HEATR1: variants seen among roughly 807,000 people sequenced by gnomAD.
HEATR1 encodes HEAT repeat-containing protein 1.
Under a neutral mutation model 248.2 loss-of-function variants are expected in HEATR1, and 77 were observed. The observed-to-expected ratio is 0.31, with a 90% CI of 0.26 to 0.37. The LOEUF is 0.37. Ranked by LOEUF, HEATR1 falls within the 10% of genes least tolerant of loss-of-function variation. The probability of loss-of-function intolerance (pLI) is 1.00; values close to 1 mark genes in which losing one functional copy is unlikely to be tolerated. For missense variants in HEATR1, 2,420 were observed against 2,504.9 expected, an observed-to-expected ratio of 0.97 and a Z score of 0.72; for synonymous variants, 897 against 923.1, an observed-to-expected ratio of 0.97 and a Z score of 0.51.
intron 20 of HEATR1, among the ~76,000 whole-genome samples, chr1:236,577,638 G>A (rs2853594): frequency 0.47 from 71,422 of 151,540 alleles, 20,795 homozygotes; most frequent in Non-Finnish European, 0.64. Flanking sequence ...ACAGGCACGC[G>A]CCACCACATC....
chr1:236,552,150 T>C (rs376970583), intron 43 of HEATR1, 43 bp from the exon 44 acceptor site: 13 of 1,299,774 alleles, frequency 1.0e-5, no homozygotes, highest in Middle Eastern at 1.8e-4. Context: ...GTAGTGTTAC[T>C]GTATTTATTA....
chr1:236,590,435 C>T (rs916484427), intron 12 of HEATR1, among the ~76,000 whole-genome samples: 2 of 152,040 alleles, frequency 1.3e-5, no homozygotes, highest in Admixed American at 6.6e-5. Flanking sequence ...GGGGGTCTCC[C>T]TATGTTGCCC....
chr1:236,571,659 C>T lies in HEATR1; in HGVS notation c.3735G>A (p.Gln1245=), dbSNP rs746058431. ...SRCLEPLPQE[Q]GNMEYTKQLI... is the part of the protein sequence containing the mutation. Reference sequence around the variant, plus strand: ...ATTGTTTGGTGTATTCCATATTTCCCTGCTCTTGTGGCAAGGGTTCTAAAC... The same window carrying T: ...ATTGTTTGGTGTATTCCATATTTCCTTGCTCTTGTGGCAAGGGTTCTAAAC... Residue 1245 remains glutamine, a synonymous_variant, in exon 27 of 45, where the codon CAG becomes CAA. Coordinates refer to ENST00000366582, the MANE Select transcript of HEATR1 (RefSeq NM_018072.6). The T allele has an allele frequency of 6.2e-7, 1 of 1,613,882 alleles. No individual in the cohort carries two copies. Among genetic ancestry groups the T allele is most frequent in the Non-Finnish European group, 8.5e-7 (1 of 1,179,828 alleles).
In HEATR1 at chr1:236,585,115, A is replaced by G. The variant is rs753108785; in HGVS notation, c.2151T>C (p.Ser717=). The part of the protein sequence containing the change: ...ILSVLVSCCS[S]LKETHFPFAI... The stretch of plus-strand genomic sequence containing the variant: ...CAAATGGAAAGTGGGTTTCTTTTAA[A>G]GATGAACAACAAGAGACGAGCACAG... The change falls in exon 17 of 45, where the codon TCT becomes TCC. Residue 717 remains serine (S), a synonymous_variant. Coordinates refer to ENST00000366582, the MANE Select transcript of HEATR1 (RefSeq NM_018072.6). 6.2e-6 allele frequency: 10 copies of G among 1,614,140 alleles called. No homozygotes were observed. The highest frequency in any genetic ancestry group is 8.5e-6 in the Non-Finnish European group (10 of 1,179,970).
In HEATR1 at chr1:236,580,145, A is replaced by C. The variant is rs79240010; in HGVS notation, c.2755+1077T>G. On this transcript the variant is annotated intron_variant, in intron 20 of 44. Transcript: ENST00000366582. Reference sequence around the variant, plus strand: ...AGCTCTGTAAGTCAACCCACTTTTCAATATCGCATTCATTGTTTCATGAAA... The same window carrying C: ...AGCTCTGTAAGTCAACCCACTTTTCCATATCGCATTCATTGTTTCATGAAA... 2.4e-3 allele frequency among the ~76,000 whole-genome samples: 368 copies of C among 152,310 alleles called. 2 individuals carry two copies. Among genetic ancestry groups the C allele is most frequent in the African/African-American group, 8.5e-3 (352 of 41,572 alleles).
chr1:236,553,838 T>C (rs1052976847), intron 42 of HEATR1, 99 bp from the exon 43 acceptor site: 14 of 1,287,668 alleles, frequency 1.1e-5, no homozygotes, highest in Non-Finnish European at 1.5e-5. Flanking sequence ...TCTTTCATGA[T>C]ATTAGCAGGT....
At chr1:236,563,438 C>A (rs1030247391) in intron 32 of HEATR1, among the ~76,000 whole-genome samples, 1 of 151,978 alleles carries the variant, frequency 6.6e-6, no homozygotes, top group Non-Finnish European at 1.5e-5. Context: ...CCCACCACCA[C>A]GCCCGGCTAA....
In HEATR1 at chr1:236,582,872, C is replaced by T. The variant is rs1663789717; in HGVS notation, c.2426G>A (p.Gly809Asp). Residue 809 changes from glycine (G) to aspartate (D), a missense_variant and splice_region_variant, in exon 19 of 45, where the codon GGT (glycine) becomes GAT (aspartate). By Grantham distance (94) the Gly-to-Asp change is moderately conservative (BLOSUM62 -1). Transcript: ENST00000366582. ...TTGTTCAGGATTCCACCATATATCACCTACAAGGACATGGAAAGAGAAATG... is the reference window on the plus strand; with the variant it reads ...TTGTTCAGGATTCCACCATATATCATCTACAAGGACATGGAAAGAGAAATG... ...ALKAPKSFPK[G>D]DIWWNPEQLK... is the part of the protein sequence containing the mutation. The T allele has an allele frequency of 6.2e-7, 1 of 1,613,770 alleles. No individual in the cohort carries two copies. Among genetic ancestry groups the T allele is most frequent in the African/African-American group, 1.3e-5 (1 of 74,914 alleles).
At chr1:236,595,515 G>C in intron 8 of HEATR1, 25 bp downstream of exon 8, 1 of 1,578,186 alleles carries the variant, frequency 6.3e-7, no homozygotes, top group Non-Finnish European at 8.6e-7. Flanking sequence ...GAAAATTTCT[G>C]GACAAAAAAT....
At chr1:236,589,794 G>A (rs571104906) in intron 12 of HEATR1, among the ~76,000 whole-genome samples, 22 of 152,138 alleles carry the variant, frequency 1.4e-4, no homozygotes, top group Non-Finnish European at 3.1e-4. Context: ...GACACAGATG[G>A]AGCATTCCTA....
At position 236,564,518 on chromosome 1, in the gene HEATR1, AAGACAGGAGCTG is replaced by A; in HGVS notation, c.4567_4578del (p.Gln1523_Ser1526del). The A allele has an allele frequency of 6.2e-7, 1 of 1,613,568 alleles. No individual in the cohort carries two copies. The highest frequency in any genetic ancestry group is 8.5e-7 in the Non-Finnish European group (1 of 1,179,918). On this transcript the variant is annotated inframe_deletion, in exon 32 of 45. Transcript: ENST00000366582. ...ATTACCTTTTTCAGAAAATTATTGG[AAGACAGGAGCTG>A]AGACATGAAGGACACTGACAAAAAT...
At position 236,561,236 on chromosome 1, in the gene HEATR1, GC is replaced by G. The variant is rs1279345661; in HGVS notation, c.4634del (p.Gly1545AlafsTer30). The G allele has an allele frequency of 6.2e-7, 1 of 1,608,310 alleles. No individual in the cohort carries two copies. Among genetic ancestry groups the G allele is most frequent in the Non-Finnish European group, 8.5e-7 (1 of 1,175,072 alleles). ...AAAAGGAAACATACCTCTCTTCAAG[GC>G]CTTTTAAAATCTCAGGACCACCACT... ...VESGGPEILK[G>X]LEERLLETVL... On this transcript the variant is annotated frameshift_variant, in exon 33 of 45. Transcript: ENST00000366582. LOFTEE classifies it high-confidence loss of function.
At chr1:236,577,671 A>G (rs1408860881) in intron 20 of HEATR1, among the ~76,000 whole-genome samples, 1 of 151,694 alleles carries the variant, frequency 6.6e-6, no homozygotes, top group Non-Finnish European at 1.5e-5. Flanking sequence ...TATTTTTAGT[A>G]GAGACGGGGT....
At position 236,598,792 on chromosome 1, in the gene HEATR1, C is replaced by G. The variant is rs144569930; in HGVS notation, c.501+691G>C. ...AGCTTACCTTCATCCCCATTTGCCT[C>G]CCCCCCTACCCTGGATCACCATGCC... On this transcript the variant is annotated intron_variant, in intron 4 of 44. Transcript: ENST00000366582. Among the ~76,000 whole-genome samples the G allele has an allele frequency of 2.1e-3, 313 of 152,186 alleles. 2 individuals are homozygous for G. Among genetic ancestry groups the G allele is most frequent in the Middle Eastern group, 0.021 (6 of 292 alleles).
chr1:236,582,483 A>G (rs940376242), intron 19 of HEATR1, among the ~76,000 whole-genome samples: 1 of 149,606 alleles, frequency 6.7e-6, no homozygotes, highest in African/African-American at 2.5e-5. Context: ...GCTCACTGCA[A>G]CCTCTGCCTC....
At chr1:236,567,797 T>C (rs1663314593) in intron 29 of HEATR1, among the ~76,000 whole-genome samples, 1 of 152,242 alleles carries the variant, frequency 6.6e-6, no homozygotes, top group Non-Finnish European at 1.5e-5. Context: ...ATAGCAAGTC[T>C]GCTTAGACTG....
At chr1:236,568,143 A>G (rs902072501) in intron 29 of HEATR1, among the ~76,000 whole-genome samples, 12 of 152,148 alleles carry the variant, frequency 7.9e-5, no homozygotes, top group African/African-American at 2.9e-4. Flanking sequence ...AACAAATCCC[A>G]TCCTTCTTTC....
intron 8 of HEATR1, among the ~76,000 whole-genome samples, chr1:236,595,249 A>T (rs1410305236): frequency 6.6e-6 from 1 of 152,174 alleles, no homozygotes; most frequent in Non-Finnish European, 1.5e-5. Flanking sequence ...TTTACTCAGT[A>T]ATAAATTTTA....
Position 236,555,918 on chromosome 1 carries a change from T to C in HEATR1, c.5536A>G (p.Ser1846Gly). Residue 1846 changes from serine (S) to glycine (G), a missense_variant, in exon 39 of 45, where the codon AGC becomes GGC. Ser to Gly is a moderately conservative substitution (Grantham distance 56). Coordinates refer to ENST00000366582, the MANE Select transcript of HEATR1 (RefSeq NM_018072.6). The stretch of plus-strand genomic sequence containing the variant: ...ACCCCAATATGCTCTTGCAAGATGC[T>C]CATAAACGGACCCATGTGATTCTAC... ...NWKNHMGPFMSILQEHIGVMK... is the reference protein window; with the variant it reads ...NWKNHMGPFMGILQEHIGVMK... The C allele has an allele frequency of 6.2e-7, 1 of 1,613,700 alleles. No homozygotes were observed. Among genetic ancestry groups the C allele is most frequent in the Non-Finnish European group, 8.5e-7 (1 of 1,179,540 alleles).
Sources: allele counts gnomAD v4.1 joint callset (sites outside exome capture counted in the v4.1 genomes callset), GRCh38; gene constraint gnomAD v4.1.1; transcripts MANE v1.5; gene names NCBI Gene and HGNC (gene_info 2026-07-23, HGNC 2026-07-21).